Variants in APIP observed in about 807,000 individuals in gnomAD.
APIP encodes the protein APAF1 interacting protein, also known as methylthioribulose-1-phosphate dehydratase.
In APIP, 32 loss-of-function variants were observed where a neutral mutation model predicts 32.0. The observed-to-expected ratio is 1.00, with a 90% CI of 0.76 to 1.34. The LOEUF is 1.34. Among genes scored for constraint, APIP ranks in the 40% most tolerant of loss-of-function variants. The pLI is 0.00. For missense variants in APIP, 247 were observed against 298.6 expected, an observed-to-expected ratio of 0.83 and a Z score of 1.27; for synonymous variants, 92 against 94.8, an observed-to-expected ratio of 0.97 and a Z score of 0.17.
intron 1 of APIP, among the ~76,000 whole-genome samples, chr11:34,913,342 G>A (rs758551335): frequency 3.3e-5 from 5 of 152,206 alleles, no homozygotes; most frequent in Non-Finnish European, 4.4e-5. Context: ...GAATGAAGCC[G>A]CGGACCCTTG....
chr11:34,907,189 G>A (rs965175008), intron 1 of APIP, among the ~76,000 whole-genome samples: 2 of 152,150 alleles, frequency 1.3e-5, no homozygotes, highest in Non-Finnish European at 2.9e-5. Context: ...TCTTATATCC[G>A]TCCTTAAGAA....
chr11:34,896,660 G>A (rs183790804), intron 1 of APIP: 13 of 663,004 alleles, frequency 2.0e-5, no homozygotes, highest in African/African-American at 5.6e-5. Flanking sequence ...ACCATGGCAC[G>A]TGTATACCTA....
intron 1 of APIP, among the ~76,000 whole-genome samples, chr11:34,912,359 C>T (rs1170993510): frequency 1.3e-5 from 2 of 152,036 alleles, no homozygotes; most frequent in Non-Finnish European, 2.9e-5. Flanking sequence ...AATATAAATA[C>T]ACAGGTCTTG....
intron 1 of APIP, among the ~76,000 whole-genome samples, chr11:34,902,100 C>G (rs1455345198): frequency 6.6e-6 from 1 of 152,174 alleles, no homozygotes; most frequent in African/African-American, 2.4e-5. Flanking sequence ...CCTGTTAACT[C>G]AAATACCTGA....
intron 1 of APIP, among the ~76,000 whole-genome samples, chr11:34,909,799 T>C (rs1451868094): frequency 6.6e-6 from 1 of 152,056 alleles, no homozygotes; most frequent in African/African-American, 2.4e-5. Flanking sequence ...GAAATAATTA[T>C]AGAAGGTGAG....
intron 2 of APIP, 178 bp from the exon 3 acceptor site, chr11:34,890,730 T>A: frequency 1.9e-6 from 1 of 523,286 alleles, no homozygotes; most frequent in Non-Finnish European, 3.3e-6. Flanking sequence ...GCCTTTGTAG[T>A]GCTGGTGGCA....
At chr11:34,896,680 C>T in intron 1 of APIP, 1 of 945,308 alleles carries the variant, frequency 1.1e-6, no homozygotes, top group Non-Finnish European at 1.5e-6. Flanking sequence ...AAGTAACAAA[C>T]CTGTAAGTTC....
At chr11:34,908,708 G>T (rs570543472) in intron 1 of APIP, among the ~76,000 whole-genome samples, 6 of 152,340 alleles carry the variant, frequency 3.9e-5, no homozygotes, top group African/African-American at 1.4e-4. Flanking sequence ...ATTAACACCA[G>T]TAGTCTGTTC....
At chr11:34,906,231 T>C (rs1368207079) in intron 1 of APIP, among the ~76,000 whole-genome samples, 1 of 152,148 alleles carries the variant, frequency 6.6e-6, no homozygotes, top group African/African-American at 2.4e-5. Flanking sequence ...ACTTGTACTA[T>C]AGTAGCACTA....
At chr11:34,896,917 C>T in intron 1 of APIP, 1 of 861,336 alleles carries the variant, frequency 1.2e-6, no homozygotes, top group Middle Eastern at 2.6e-4. Flanking sequence ...GAAAAATCCC[C>T]ACATAAACTG....
chr11:34,907,720 T>C (rs992426680), intron 1 of APIP, among the ~76,000 whole-genome samples: 40 of 152,254 alleles, frequency 2.6e-4, no homozygotes, highest in African/African-American at 9.4e-4. Context: ...TCAGTTATAA[T>C]AATAATTTTG....
chr11:34,913,071 A>T (rs1420328171), intron 1 of APIP, among the ~76,000 whole-genome samples: 1 of 152,050 alleles, frequency 6.6e-6, no homozygotes, highest in Non-Finnish European at 1.5e-5. Context: ...ATCAATAACC[A>T]AGACCTCCTG....
At chr11:34,903,142 A>G (rs927586844) in intron 1 of APIP, among the ~76,000 whole-genome samples, 4 of 152,226 alleles carry the variant, frequency 2.6e-5, no homozygotes, top group Non-Finnish European at 5.9e-5. Flanking sequence ...ACTTGTTCTC[A>G]TCTAAATCCA....
At position 34,888,899 on chromosome 11, in the gene APIP, A is replaced by G. The variant is rs752942744; in HGVS notation, c.208-30T>C. On this transcript the variant is annotated intron_variant, in intron 3 of 6. Transcript: ENST00000395787. ...TTATAGAGGGGAAAAAAAGAAAAAA[A>G]GAAGGCTTGTAAAATATCAATTAGA... 2.3e-6 allele frequency: 3 copies of G among 1,293,944 alleles called. No individual in the cohort carries two copies. In the South Asian group the frequency reaches 5.1e-5, roughly 22 times the overall value. The allele number at this position is 1,293,944 out of a possible 1,614,324, so 80.2% of individuals were successfully genotyped here. A position where few individuals can be genotyped will look rare whatever the true frequency, so the allele number is the denominator to read the frequency against.
At chr11:34,912,890 T>C (rs1295329898) in intron 1 of APIP, among the ~76,000 whole-genome samples, 1 of 152,186 alleles carries the variant, frequency 6.6e-6, no homozygotes, top group Non-Finnish European at 1.5e-5. Context: ...ATACACTCAG[T>C]GTATAGTACC....
intron 1 of APIP, among the ~76,000 whole-genome samples, chr11:34,908,320 CTTTT>C (rs143691222): frequency 1.3e-5 from 2 of 152,184 alleles, no homozygotes; most frequent in Non-Finnish European, 2.9e-5. Context: ...AGTAAATACT[CTTTT>C]TGTTTGTTTC....
At chr11:34,914,487 A>G (rs771699240) in intron 1 of APIP, among the ~76,000 whole-genome samples, 7 of 152,122 alleles carry the variant, frequency 4.6e-5, no homozygotes, top group Non-Finnish European at 7.4e-5. Flanking sequence ...GTTTTTATGT[A>G]TTTGTACAAA....
intron 1 of APIP, among the ~76,000 whole-genome samples, chr11:34,895,405 A>G (rs1023170277): frequency 5.9e-5 from 9 of 152,192 alleles, no homozygotes; most frequent in African/African-American, 1.9e-4. Context: ...CAAAGCATCA[A>G]CTGAAATGGC....
chr11:34,904,523 C>G (rs1853413596), intron 1 of APIP, among the ~76,000 whole-genome samples: 1 of 152,182 alleles, frequency 6.6e-6, no homozygotes, highest in Admixed American at 6.5e-5. Flanking sequence ...GTACAGATGG[C>G]CTTTTCTTAC....
Sources: allele counts gnomAD v4.1 joint callset (sites outside exome capture counted in the v4.1 genomes callset), GRCh38; gene constraint gnomAD v4.1.1; transcripts MANE v1.5; gene names NCBI Gene and HGNC (gene_info 2026-07-23, HGNC 2026-07-21).